The following HSPA12B variants were observed in gnomAD, a reference collection of about 807,000 sequenced individuals.
HSPA12B encodes heat shock 70 kDa protein 12B.
Under a neutral mutation model 69.3 loss-of-function variants are expected in HSPA12B, and 54 were observed. The ratio of observed to expected loss-of-function variants is 0.78; its 90% confidence interval spans 0.63 to 0.98. HSPA12B has a LOEUF of 0.98. Among genes scored for constraint, HSPA12B ranks in the 50% least tolerant of loss-of-function variants. The pLI, the probability that HSPA12B is intolerant of heterozygous loss-of-function variation, is 0.00. For synonymous variants in HSPA12B, 441 were observed against 436.5 expected, an observed-to-expected ratio of 1.01 and a Z score of -0.13; for missense variants, 929 against 999.8, an observed-to-expected ratio of 0.93 and a Z score of 0.96.
In HSPA12B at chr20:3,749,878, G is replaced by C; in HGVS notation, c.1042+24G>C. The stretch of plus-strand genomic sequence containing the variant: ...TGGTGAGTAGCCAGGCGGCGCCCCG[G>C]TACCCAGCGCGACCCGGGCTCCGGC... On this transcript the variant is annotated intron_variant, in intron 10 of 12. Transcript: ENST00000254963. This position sits in a 1 kb window ranked among gnomAD's most constrained non-coding sequence, Gnocchi z 5.5. 6.4e-7 allele frequency: 1 copy of C among 1,569,122 alleles called. No homozygotes were observed. Among genetic ancestry groups the C allele is most frequent in the Non-Finnish European group, 8.6e-7 (1 of 1,156,996 alleles).
chr20:3,750,974 C>CTAT, intron 12 of HSPA12B, 67 bp downstream of exon 12: 1 of 1,334,828 alleles, frequency 7.5e-7, no homozygotes. Context: ...TAATTCCCCC[C>CTAT]CATCAGTGCC....
chr20:3,746,933 G>A (rs1447320271), intron 7 of HSPA12B, among the ~76,000 whole-genome samples: 1 of 152,234 alleles, frequency 6.6e-6, no homozygotes, highest in Non-Finnish European at 1.5e-5. Flanking sequence ...AACACTCACA[G>A]TGGCAGGCAG....
Position 3,753,086 on chromosome 20 carries a change from A to G in HSPA12B, c.*920A>G, listed in dbSNP as rs1663984729. 6.5e-6 allele frequency: 1 copy of G among 153,038 alleles called. No homozygotes were observed. The highest frequency in any genetic ancestry group is 2.1e-4 in the South Asian group (1 of 4,834). The allele number at this position is 153,038 out of a possible 1,614,324, so 9.5% of individuals were successfully genotyped here. On this transcript the variant is annotated 3_prime_UTR_variant, in exon 13 of 13. Transcript: ENST00000254963. Reference sequence around the variant, plus strand: ...ACCTGCCTGAGAGCCCTGAGGTGACAATAAAACATTTATGCTCAAGGGGAA... The same window carrying G: ...ACCTGCCTGAGAGCCCTGAGGTGACGATAAAACATTTATGCTCAAGGGGAA...
intron 1 of HSPA12B, among the ~76,000 whole-genome samples, chr20:3,733,505 A>T (rs2146547235): frequency 6.6e-6 from 1 of 152,182 alleles, no homozygotes; most frequent in Admixed American, 6.5e-5. Context: ...TGCTCCCATG[A>T]TGAGGACCCA....
Position 3,738,727 on chromosome 20 carries a change from C to T in HSPA12B, c.43+10C>T. ...CAGGGGCTGTACATCGGTAAGAACCCCCACCATTCTGCCCTGACCCATCAC... is the reference window on the plus strand; with the variant it reads ...CAGGGGCTGTACATCGGTAAGAACCTCCACCATTCTGCCCTGACCCATCAC... On this transcript the variant is annotated intron_variant, in intron 2 of 12. Transcript: ENST00000254963. 3 of 1,614,104 alleles carry T rather than the reference C, an allele frequency of 1.9e-6. No homozygotes were observed. Among genetic ancestry groups the T allele is most frequent in the Non-Finnish European group, 2.5e-6 (3 of 1,180,012 alleles).
chr20:3,751,902 C>G lies in HSPA12B; in HGVS notation c.1797C>G (p.Pro599=). ...GGCGCAGCTACTGCCCGGCGCGTCC[C>G]GGCCAGCGGCGCGTACTCATCAACC... ...EVRRSYCPAR[P]GQRRVLINLY... The change falls in exon 13 of 13, where the codon CCC becomes CCG. Residue 599 remains proline (P), a synonymous_variant. Transcript: ENST00000254963. 2 of 1,573,308 alleles carry G rather than the reference C, an allele frequency of 1.3e-6. No homozygotes were observed. Among genetic ancestry groups the G allele is most frequent in the Non-Finnish European group, 1.7e-6 (2 of 1,165,170 alleles).
intron 7 of HSPA12B, among the ~76,000 whole-genome samples, chr20:3,746,822 G>A (rs2088315656): frequency 2.0e-5 from 3 of 152,168 alleles, no homozygotes; most frequent in Non-Finnish European, 4.4e-5. Flanking sequence ...TCTGTCACTG[G>A]TTCTGGGGAA....
chr20:3,736,548 T>G (rs910572096), intron 1 of HSPA12B, among the ~76,000 whole-genome samples: 8 of 152,212 alleles, frequency 5.3e-5, no homozygotes, highest in Admixed American at 5.2e-4. Context: ...AGCAAAACTT[T>G]CAGATTGGGC....
At chr20:3,748,511 A>G (rs1376837394) in intron 8 of HSPA12B, 120 bp downstream of exon 8, 3 of 968,278 alleles carry the variant, frequency 3.1e-6, no homozygotes, top group East Asian at 3.1e-5. Context: ...GCCCAATTTG[A>G]GCAGGCAGAA....
rs558810372 is a variant in HSPA12B, at chr20:3,744,753, C to T, written c.267-149C>T. The T allele has an allele frequency of 2.0e-5, 13 of 652,782 alleles. No individual in the cohort carries two copies. The African/African-American group carries it at 2.4e-4, about 12-fold the overall frequency. 40.4% of individuals were successfully genotyped at this position (652,782 alleles called of 1,614,324 possible). On this transcript the variant is annotated intron_variant, in intron 4 of 12. Coordinates refer to ENST00000254963, the MANE Select transcript of HSPA12B (RefSeq NM_052970.5). This position sits in a 1 kb window ranked among gnomAD's most constrained non-coding sequence, Gnocchi z 4.9. ...CTCTTCATGATCTCACCTTAGCATT[C>T]TTGTGTTTTCTCCTGCTGCCTATGG...
At chr20:3,747,092 T>G (rs1007281026) in intron 7 of HSPA12B, among the ~76,000 whole-genome samples, 5 of 152,116 alleles carry the variant, frequency 3.3e-5, no homozygotes, top group Admixed American at 3.3e-4. Context: ...TTCCTACCAC[T>G]GAGATGCTCA....
chr20:3,747,708 C>A (rs1262288875), intron 7 of HSPA12B, among the ~76,000 whole-genome samples: 1 of 152,232 alleles, frequency 6.6e-6, no homozygotes, highest in Non-Finnish European at 1.5e-5. Context: ...GAACAAAGTT[C>A]TCCTGGAAGT....
Position 3,744,933 on chromosome 20 carries a change from C to A in HSPA12B, c.298C>A (p.His100Asn). ...KWEGGDPGVA[H>N]QKTPTCLLLT... ...GGAGGGCGGAGACCCGGGCGTGGCC[C>A]ACCAGAAGACCCCGACCTGCCTGCT... Residue 100 changes from histidine (H) to asparagine (N), a missense_variant, in exon 5 of 13, where the codon CAC becomes AAC. Physicochemically the swap from His to Asn is moderately conservative, Grantham distance 68. Coordinates refer to ENST00000254963, the MANE Select transcript of HSPA12B (RefSeq NM_052970.5). The surrounding 1 kb of genome is among the most constrained non-coding windows in gnomAD (Gnocchi z 4.9). The A allele has an allele frequency of 6.2e-7, 1 of 1,613,514 alleles. No homozygotes were observed. Among genetic ancestry groups the A allele is most frequent in the African/African-American group, 1.3e-5 (1 of 75,034 alleles).
chr20:3,748,240 T>A lies in HSPA12B; in HGVS notation c.699T>A (p.Asn233Lys). 6.3e-7 allele frequency: 1 copy of A among 1,589,054 alleles called. No homozygotes were observed. The highest frequency in any genetic ancestry group is 1.1e-5 in the South Asian group (1 of 88,046). ...AYLAGLVSRENAEQLLIALEP... is the reference protein window; with the variant it reads ...AYLAGLVSREKAEQLLIALEP... ...AGGCTGGACTAGTGTCCCGAGAGAA[T>A]GCAGAGCAGCTACTCATCGCCCTGG... Residue 233 changes from asparagine to lysine, a missense_variant, in exon 8 of 13, where the codon AAT becomes AAA. Coordinates refer to ENST00000254963, the MANE Select transcript of HSPA12B (RefSeq NM_052970.5).
At position 3,751,834 on chromosome 20, in the gene HSPA12B, T is replaced by A; in HGVS notation, c.1729T>A (p.Phe577Ile). ...CTGGTGCACCGACGTCTTCGAGCGC[T>A]TCGTGGCCGCCGAGCAGTCGGTGGC... ...RRWCTDVFER[F>I]VAAEQSVALG... The change falls in exon 13 of 13, where the codon TTC (phenylalanine) becomes ATC (isoleucine). Residue 577 changes from phenylalanine (F) to isoleucine (I), a missense_variant. Coordinates refer to ENST00000254963, the MANE Select transcript of HSPA12B (RefSeq NM_052970.5). 1 of 1,537,966 alleles carries A rather than the reference T, an allele frequency of 6.5e-7. No homozygotes were observed. Among genetic ancestry groups the A allele is most frequent in the Non-Finnish European group, 8.7e-7 (1 of 1,148,238 alleles).
intron 3 of HSPA12B, among the ~76,000 whole-genome samples, chr20:3,741,986 G>C (rs959962624): frequency 1.3e-5 from 2 of 152,170 alleles, no homozygotes; most frequent in South Asian, 2.1e-4. Flanking sequence ...GGTGTGAGGT[G>C]GGGGTGGGGC....
Position 3,745,685 on chromosome 20 carries a change from A to G in HSPA12B, c.558+88A>G, listed in dbSNP as rs2088287978. ...ACCGCTCCCCCATCCCGTCCCCGACATTGGATGGGTAGCCACCGCCGGAGC... is the reference window on the plus strand; with the variant it reads ...ACCGCTCCCCCATCCCGTCCCCGACGTTGGATGGGTAGCCACCGCCGGAGC... On this transcript the variant is annotated intron_variant, in intron 6 of 12. Transcript: ENST00000254963. The surrounding 1 kb of genome is among the most constrained non-coding windows in gnomAD (Gnocchi z 5.6). The G allele has an allele frequency of 7.4e-6, 9 of 1,224,290 alleles. No homozygotes were observed. The highest frequency in any genetic ancestry group is 1.5e-5 in the African/African-American group (1 of 67,402). 75.8% of individuals were successfully genotyped at this position (1,224,290 alleles called of 1,614,324 possible). A position where few individuals can be genotyped will look rare whatever the true frequency, so the allele number is the denominator to read the frequency against.
At chr20:3,747,576 TCCCACAGGGATCCCCTACC>T in intron 7 of HSPA12B, among the ~76,000 whole-genome samples, 1 of 152,248 alleles carries the variant, frequency 6.6e-6, no homozygotes, top group African/African-American at 2.4e-5. Context: ...ATAATATACT[TCCCACAGGGATCCCCTACC>T]CTGAAGGAAA....
In HSPA12B at chr20:3,752,258, T is replaced by C. The variant is rs943116019; in HGVS notation, c.*92T>C. 8.8e-6 allele frequency: 11 copies of C among 1,245,102 alleles called. No individual in the cohort carries two copies. In the African/African-American group the frequency reaches 1.1e-4, roughly 13 times the overall value. 77.1% of individuals were successfully genotyped at this position (1,245,102 alleles called of 1,614,324 possible). ...GAGCGGGTTGGGGCGGGGGAAACGA[T>C]AGTTCTGCAGTCTGCGCCTTTCCAC... On this transcript the variant is annotated 3_prime_UTR_variant, in exon 13 of 13. Coordinates refer to ENST00000254963, the MANE Select transcript of HSPA12B (RefSeq NM_052970.5).
Sources: allele counts gnomAD v4.1 joint callset (sites outside exome capture counted in the v4.1 genomes callset), GRCh38; gene constraint gnomAD v4.1.1; non-coding constraint Gnocchi (gnomAD v3.1); transcripts MANE v1.5; gene names NCBI Gene and HGNC (gene_info 2026-07-23, HGNC 2026-07-21).